The following WDPCP variants were observed in gnomAD, a reference collection of about 807,000 sequenced individuals.
WDPCP encodes the protein WD repeat containing planar cell polarity effector, also known as WD repeat-containing and planar cell polarity effector protein fritz homolog.
Under a neutral mutation model 93.1 loss-of-function variants are expected in WDPCP, and 71 were observed. That is an observed-to-expected ratio of 0.76 (90% CI 0.63 to 0.93). The LOEUF is 0.93. Ranked by LOEUF, WDPCP falls within the 40% of genes least tolerant of loss-of-function variation. The probability of loss-of-function intolerance (pLI) is 0.00; values close to 1 mark genes in which losing one functional copy is unlikely to be tolerated. For synonymous variants in WDPCP, 315 were observed against 315.0 expected (o/e 1.00, Z 0.00); for missense variants, 844 against 887.4 (o/e 0.95, Z 0.62).
At chr2:63,638,462 T>C (rs1167187275) in intron 3 of WDPCP, among the ~76,000 whole-genome samples, 1 of 152,156 alleles carries the variant, frequency 6.6e-6, no homozygotes, top group Non-Finnish European at 1.5e-5. Flanking sequence ...ATATATACAA[T>C]TTTATCAATT....
chr2:63,777,960 A>G (rs1670329373), intron 2 of WDPCP, among the ~76,000 whole-genome samples: 1 of 152,214 alleles, frequency 6.6e-6, no homozygotes, highest in African/African-American at 2.4e-5. Flanking sequence ...TAAAAACTGT[A>G]TAGATGATTC....
intron 1 of WDPCP, among the ~76,000 whole-genome samples, chr2:63,816,209 GA>G (rs1300413474): frequency 4.6e-5 from 7 of 152,108 alleles, no homozygotes; most frequent in Non-Finnish European, 8.8e-5. Context: ...CTGTGAGGCT[GA>G]AAACAAATCT....
In WDPCP at chr2:63,208,420, T is replaced by C. The variant is rs192809783; in HGVS notation, c.1916-33588A>G. Among the ~76,000 whole-genome samples, 21 of 151,310 alleles carry C rather than the reference T, an allele frequency of 1.4e-4. No homozygotes were observed. In the East Asian group the frequency reaches 3.9e-3, roughly 28 times the overall value. On this transcript the variant is annotated intron_variant, in intron 14 of 17. Transcript: ENST00000272321. ...TAGAGAAAAATATGGTCTTCTATTT[T>C]ACCCCTTTAATTTCTACATTCTTTT...
intron 2 of WDPCP, among the ~76,000 whole-genome samples, chr2:63,713,083 G>A (rs1216237184): frequency 2.0e-5 from 3 of 152,196 alleles, no homozygotes. Flanking sequence ...AACATGGCAG[G>A]ATCCACAATG....
chr2:63,166,089 C>T (rs1025425464), intron 15 of WDPCP, among the ~76,000 whole-genome samples: 8 of 151,700 alleles, frequency 5.3e-5, no homozygotes, highest in African/African-American at 7.3e-5. Context: ...TATTTTGAAA[C>T]GGAGTCTAGC....
chr2:63,741,921 G>A (rs1043517223), intron 2 of WDPCP, among the ~76,000 whole-genome samples: 3 of 152,094 alleles, frequency 2.0e-5, no homozygotes, highest in South Asian at 2.1e-4. Flanking sequence ...AACAGCTGGT[G>A]GTTAATAAAG....
chr2:63,805,542 C>A (rs1417128565), intron 2 of WDPCP, among the ~76,000 whole-genome samples: 1 of 152,100 alleles, frequency 6.6e-6, no homozygotes, highest in Admixed American at 6.5e-5. Context: ...TCACTCCACC[C>A]AATTATGATC....
At chr2:63,648,407 C>A (rs115030585) in intron 3 of WDPCP, among the ~76,000 whole-genome samples, 174 of 152,190 alleles carry the variant, frequency 1.1e-3, no homozygotes, top group African/African-American at 3.9e-3. Context: ...TATTTATATA[C>A]AATAAAATTA....
chr2:63,125,141 G>C (rs939797180), intron 17 of WDPCP, among the ~76,000 whole-genome samples: 3 of 152,202 alleles, frequency 2.0e-5, no homozygotes, highest in Admixed American at 6.5e-5. Context: ...ACATGGCAGA[G>C]TTTGGTACTT....
intron 2 of WDPCP, among the ~76,000 whole-genome samples, chr2:63,726,112 T>C (rs1669493715): frequency 1.3e-5 from 2 of 152,224 alleles, no homozygotes. Context: ...ATGAAATATT[T>C]GCCAGGGTAT....
At chr2:63,593,226 A>C (rs1311933131), upstream of WDPCP, 1 of 171,858 alleles carries the variant, frequency 5.8e-6, no homozygotes, top group Admixed American at 5.7e-5. Flanking sequence ...CAGCCTTCCA[A>C]ATAGCTGGGA....
At chr2:63,253,486 T>A (rs910011136) in intron 14 of WDPCP, among the ~76,000 whole-genome samples, 1 of 152,108 alleles carries the variant, frequency 6.6e-6, no homozygotes, top group Non-Finnish European at 1.5e-5. Context: ...TTGCAAACTA[T>A]GCTATGCATT....
intron 9 of WDPCP, among the ~76,000 whole-genome samples, chr2:63,419,737 G>C (rs1042396989): frequency 6.6e-6 from 1 of 151,980 alleles, no homozygotes; most frequent in Non-Finnish European, 1.5e-5. Flanking sequence ...TCATGTTTCA[G>C]GTATGGAATA....
chr2:63,714,431 G>T (rs113068539), intron 2 of WDPCP, among the ~76,000 whole-genome samples: 2,534 of 152,146 alleles, frequency 0.017, 22 homozygotes, highest in African/African-American at 0.017. Flanking sequence ...TATAAGATAA[G>T]TTCATTTCAT....
chr2:63,413,020 A>G (rs1441311953), intron 9 of WDPCP, among the ~76,000 whole-genome samples: 2 of 152,212 alleles, frequency 1.3e-5, no homozygotes, highest in Non-Finnish European at 2.9e-5. Context: ...TAGAAAAACA[A>G]TTCTAAAATT....
intron 2 of WDPCP, among the ~76,000 whole-genome samples, chr2:63,748,268 T>C (rs1039116783): frequency 1.3e-5 from 2 of 151,732 alleles, no homozygotes; most frequent in South Asian, 2.1e-4. Context: ...CAGTGACTTG[T>C]ACATACAGTG....
At chr2:63,701,862 G>A (rs1423395262) in intron 2 of WDPCP, among the ~76,000 whole-genome samples, 18 of 152,140 alleles carry the variant, frequency 1.2e-4, no homozygotes, top group Admixed American at 1.1e-3. Flanking sequence ...GTGGGGTGAG[G>A]GGGATGAAGA....
chr2:63,367,966 T>C (rs1691049415), intron 12 of WDPCP, among the ~76,000 whole-genome samples: 1 of 152,210 alleles, frequency 6.6e-6, no homozygotes, highest in African/African-American at 2.4e-5. Flanking sequence ...ACAAACAATG[T>C]GATCTTTGAG....
At chr2:63,706,489 T>C (rs1284949354) in intron 2 of WDPCP, among the ~76,000 whole-genome samples, 1 of 152,010 alleles carries the variant, frequency 6.6e-6, no homozygotes, top group Non-Finnish European at 1.5e-5. Context: ...AGGGCAGGCC[T>C]GGTGGTGACA....
Sources: gnomAD v4.1 joint callset for allele counts (sites outside exome capture counted in the v4.1 genomes callset) on GRCh38, gnomAD v4.1.1 for gene constraint, MANE v1.5 for transcripts, NCBI Gene and HGNC (gene_info 2026-07-23, HGNC 2026-07-21) for gene names.